Variants in ZFC3H1 observed in about 807,000 individuals in gnomAD.
ZFC3H1 encodes zinc finger C3H1 domain-containing protein.
In ZFC3H1, 71 loss-of-function variants were observed where a neutral mutation model predicts 243.7. The ratio of observed to expected loss-of-function variants is 0.29; its 90% CI spans 0.24 to 0.36. The LOEUF is 0.36. Among genes scored for constraint, ZFC3H1 ranks in the 10% least tolerant of loss-of-function variants. The pLI is 1.00. For missense variants in ZFC3H1, 1,966 were observed against 2,317.1 expected, an observed-to-expected ratio of 0.85 and a Z score of 3.11; for synonymous variants, 838 against 813.0, an observed-to-expected ratio of 1.03 and a Z score of -0.52.
chr12:71,622,465 T>A (rs1003388440), intron 24 of ZFC3H1, among the ~76,000 whole-genome samples: 1 of 152,142 alleles, frequency 6.6e-6, no homozygotes, highest in South Asian at 2.1e-4. Context: ...AGTCTCTTTT[T>A]TTTTTCTTTT....
At chr12:71,619,504 T>A (rs1280509766) in intron 26 of ZFC3H1, 95 bp from the exon 27 acceptor site, 1 of 1,185,102 alleles carries the variant, frequency 8.4e-7, no homozygotes. Context: ...AAGTACTCAT[T>A]AGATTAAGTT....
Position 71,647,770 on chromosome 12 carries a change from G to T in ZFC3H1, c.1059C>A (p.Thr353=), listed in dbSNP as rs760001907. 264 of 1,476,390 alleles carry T rather than the reference G, an allele frequency of 1.8e-4. No homozygotes were observed. Among genetic ancestry groups the T allele is most frequent in the Non-Finnish European group, 1.8e-4 (190 of 1,085,570 alleles). 91.5% of individuals were successfully genotyped at this position (1,476,390 alleles called of 1,614,324 possible). ...TTACCTTTTCAGACAGAATATCTGAGGTACTAATTCTTCTTGTTAAATTTT... is the reference window on the plus strand; with the variant it reads ...TTACCTTTTCAGACAGAATATCTGATGTACTAATTCTTCTTGTTAAATTTT... ...KEQNLTRRIS[T]SDILSEKKLG... Residue 353 remains threonine, a synonymous_variant, in exon 3 of 35, where the codon ACC becomes ACA. Coordinates refer to ENST00000378743, the MANE Select transcript of ZFC3H1 (RefSeq NM_144982.5).
intron 26 of ZFC3H1, 76 bp from the exon 27 acceptor site, chr12:71,619,485 G>C: frequency 7.0e-7 from 1 of 1,427,346 alleles, no homozygotes; most frequent in Admixed American, 2.1e-5. Flanking sequence ...GAGAAAAAAA[G>C]CCTTAAAAAA....
intron 3 of ZFC3H1, among the ~76,000 whole-genome samples, chr12:71,647,012 T>C (rs1343433662): frequency 6.6e-6 from 1 of 152,230 alleles, no homozygotes; most frequent in African/African-American, 2.4e-5. Flanking sequence ...ACTTGATTCA[T>C]AGGGTTATTG....
In ZFC3H1 at chr12:71,611,895, G is replaced by T; in HGVS notation, c.5628-8C>A. ...CATTCATGTTGAAGTAACCTGTAAA[G>T]TACATTCAGGAAAATGAACAAAGCA... On this transcript the variant is annotated splice_region_variant and splice_polypyrimidine_tract_variant and intron_variant, in intron 31 of 34. Coordinates refer to ENST00000378743, the MANE Select transcript of ZFC3H1 (RefSeq NM_144982.5). 1 of 1,567,490 alleles carries T rather than the reference G, an allele frequency of 6.4e-7. No homozygotes were observed. The highest frequency in any genetic ancestry group is 8.7e-7 in the Non-Finnish European group (1 of 1,147,234).
intron 5 of ZFC3H1, 31 bp downstream of exon 5, chr12:71,644,064 C>T (rs188399068): frequency 1.9e-5 from 30 of 1,562,704 alleles, no homozygotes; most frequent in Admixed American, 6.9e-5. Flanking sequence ...CTTAGAGTAA[C>T]GTTTTGATTT....
chr12:71,620,096 AT>A lies in ZFC3H1; in HGVS notation c.4878del (p.Lys1626AsnfsTer93). On this transcript the variant is annotated frameshift_variant, in exon 26 of 35. Coordinates refer to ENST00000378743, the MANE Select transcript of ZFC3H1 (RefSeq NM_144982.5). LOFTEE classifies it high-confidence loss of function. ...ERYEAAMELC[K>X]SLLESCPINC... ...TTAATAGGACATGATTCCAATAAAG[AT>A]TTACAAAGCTCCATTGCAGCCTCAT... 1 of 1,612,896 alleles carries A rather than the reference AT, an allele frequency of 6.2e-7. No homozygotes were observed. The highest frequency in any genetic ancestry group is 8.5e-7 in the Non-Finnish European group (1 of 1,179,746).
At chr12:71,660,586 G>A (rs1881141350) in intron 1 of ZFC3H1, among the ~76,000 whole-genome samples, 1 of 151,664 alleles carries the variant, frequency 6.6e-6, no homozygotes, top group Non-Finnish European at 1.5e-5. Context: ...ATTAATAAAG[G>A]TCTATGGTAG....
At chr12:71,614,424 G>T in intron 30 of ZFC3H1, 111 bp downstream of exon 30, 2 of 1,009,598 alleles carry the variant, frequency 2.0e-6, no homozygotes, top group Non-Finnish European at 2.7e-6. Flanking sequence ...TGAATGTTAA[G>T]AAAGTAGTCC....
chr12:71,656,821 A>T (rs1221676520), intron 2 of ZFC3H1, 64 bp downstream of exon 2: 1 of 1,485,848 alleles, frequency 6.7e-7, no homozygotes, highest in Non-Finnish European at 9.0e-7. Flanking sequence ...ACACTGCCAA[A>T]ACAAGTAGTT....
intron 2 of ZFC3H1, among the ~76,000 whole-genome samples, chr12:71,653,386 G>A (rs1214912738): frequency 1.3e-5 from 2 of 152,010 alleles, no homozygotes; most frequent in Non-Finnish European, 2.9e-5. Flanking sequence ...GAAATGAAGA[G>A]ACATGAAAGA....
Position 71,630,631 on chromosome 12 carries a change from T to C in ZFC3H1, c.3693A>G (p.Thr1231=). ...AAGCAGTAATTTCTTCATTAGTACT[T>C]GTCTCTGCACAACCAATCAAAGACA... ...YNLSLIGCAE[T]STNEEITASA... Residue 1231 remains threonine (T), a synonymous_variant, in exon 18 of 35, where the codon ACA becomes ACG. Transcript: ENST00000378743. 2 of 1,611,980 alleles carry C rather than the reference T, an allele frequency of 1.2e-6. No individual in the cohort carries two copies. The highest frequency in any genetic ancestry group is 1.7e-6 in the Non-Finnish European group (2 of 1,179,328).
At chr12:71,662,860 G>T in intron 1 of ZFC3H1, 153 bp downstream of exon 1, 3 of 785,014 alleles carry the variant, frequency 3.8e-6, no homozygotes, top group Non-Finnish European at 4.1e-6. Flanking sequence ...TGTGACACAT[G>T]GGGAATTACC....
Position 71,620,130 on chromosome 12 carries a change from CAAAAA to C in ZFC3H1, c.4851-11_4851-7del, listed in dbSNP as rs1879988187. The C allele has an allele frequency of 6.3e-7, 1 of 1,591,752 alleles. No homozygotes were observed. Among genetic ancestry groups the C allele is most frequent in the East Asian group, 2.2e-5 (1 of 44,584 alleles). ...GCTCCATTGCAGCCTCATACCTTAA[CAAAAA>C]AGAAAAAAAAAGGCTAAAGACATGA... On this transcript the variant is annotated splice_region_variant and splice_polypyrimidine_tract_variant and intron_variant, in intron 25 of 34. Transcript: ENST00000378743.
chr12:71,617,010 A>G (rs1879908471), intron 27 of ZFC3H1, among the ~76,000 whole-genome samples: 1 of 152,210 alleles, frequency 6.6e-6, no homozygotes, highest in South Asian at 2.1e-4. Flanking sequence ...CTTGAAACAC[A>G]TGAAAATTAC....
chr12:71,663,375 G>C lies in ZFC3H1; in HGVS notation c.236C>G (p.Ser79Cys), dbSNP rs752533065. The C allele has an allele frequency of 3.1e-6, 5 of 1,612,684 alleles. No individual in the cohort carries two copies. Among genetic ancestry groups the C allele is most frequent in the African/African-American group, 1.3e-5 (1 of 74,948 alleles). ...TGAGAAATTCCTCAGCTGCTGCTGA[G>C]AAGAGGACGATGACGAGGAAGAGCC... ...GGGSSSSSSS[S>C]QQQLRNFSRS... Residue 79 changes from serine to cysteine, a missense_variant, in exon 1 of 35, where the codon TCT (serine) becomes TGT (cysteine). This residue lies in a region of ZFC3H1 where 484 missense variants were observed against 449.7 expected (regional missense o/e 1.08). Coordinates refer to ENST00000378743, the MANE Select transcript of ZFC3H1 (RefSeq NM_144982.5).
rs1880399206 is a variant in ZFC3H1 at position 71,634,155 on chromosome 12, C to T, written c.2510G>A (p.Arg837Lys). The part of the protein sequence containing the change: ...TDAESKLKKH[R>K]ILLMKDESVL... ...GATATGTGAAGATAACAAGGCTCAC[C>T]TATGTTTTTTCAGTTTTGATTCTGC... Residue 837 changes from arginine (R) to lysine (K), a missense_variant and splice_region_variant, in exon 12 of 35, where the codon AGG becomes AAG. Physicochemically the swap from Arg to Lys is conservative, Grantham distance 26. Coordinates refer to ENST00000378743, the MANE Select transcript of ZFC3H1 (RefSeq NM_144982.5). The T allele has an allele frequency of 6.2e-7, 1 of 1,610,220 alleles. No homozygotes were observed. The highest frequency in any genetic ancestry group is 8.5e-7 in the Non-Finnish European group (1 of 1,178,690).
chr12:71,661,124 A>G (rs976918723), intron 1 of ZFC3H1, among the ~76,000 whole-genome samples: 2 of 152,100 alleles, frequency 1.3e-5, no homozygotes, highest in African/African-American at 2.4e-5. Flanking sequence ...TAACATGATG[A>G]AACCCTGTCT....
chr12:71,663,758 C>CGCACCCCA lies in ZFC3H1; in HGVS notation c.-156_-149dup. 1.1e-6 allele frequency: 1 copy of CGCACCCCA among 870,592 alleles called. No homozygotes were observed. The highest frequency in any genetic ancestry group is 1.7e-5 in the South Asian group (1 of 60,250). 53.9% of individuals were successfully genotyped at this position (870,592 alleles called of 1,614,324 possible). A position where few individuals can be genotyped will look rare whatever the true frequency, so the allele number is the denominator to read the frequency against. On this transcript the variant is annotated 5_prime_UTR_variant, in exon 1 of 35. Transcript: ENST00000378743. Reference sequence around the variant, plus strand: ...AGCGGCCTCTGCTCCCCAACTTCCCCGCACCCCAGCACCCCAGCTCTCTCT... The same window carrying CGCACCCCA: ...AGCGGCCTCTGCTCCCCAACTTCCCCGCACCCCAGCACCCCAGCACCCCAGCTCTCTCT...
Sources: gnomAD v4.1 joint callset for allele counts (sites outside exome capture counted in the v4.1 genomes callset) on GRCh38, gnomAD v4.1.1 for gene constraint, gnomAD v4.1.1 regional missense constraint, MANE v1.5 for transcripts, NCBI Gene and HGNC (gene_info 2026-07-23, HGNC 2026-07-21) for gene names.